Variants in FBXO11 observed in about 807,000 individuals in gnomAD.
The protein encoded by FBXO11 is F-box only protein 11.
Under a neutral mutation model 117.0 loss-of-function variants are expected in FBXO11, and 13 were observed. The observed-to-expected ratio is 0.11, with a 90% confidence interval of 0.07 to 0.18. The LOEUF is 0.18. Among genes scored for constraint, FBXO11 ranks in the 10% least tolerant of loss-of-function variants. FBXO11 has a pLI of 1.00. For synonymous variants in FBXO11, 490 were observed against 380.5 expected (o/e 1.29, Z -3.35); for missense variants, 767 against 1,164.4 (o/e 0.66, Z 4.97).
intron 16 of FBXO11, among the ~76,000 whole-genome samples, chr2:47,817,904 T>C (rs1003505895): frequency 5.9e-5 from 9 of 152,154 alleles, no homozygotes; most frequent in African/African-American, 2.2e-4. Context: ...TCCCAGCACT[T>C]TGGGAGGCTG....
intron 12 of FBXO11, among the ~76,000 whole-genome samples, chr2:47,822,699 G>A (rs989491389): frequency 6.6e-6 from 1 of 152,150 alleles, no homozygotes; most frequent in African/African-American, 2.4e-5. Flanking sequence ...CTTATTAAGG[G>A]AAAATGACAG....
intron 11 of FBXO11, among the ~76,000 whole-genome samples, chr2:47,827,148 T>C (rs1572793808): frequency 6.6e-6 from 1 of 152,222 alleles, no homozygotes; most frequent in East Asian, 1.9e-4. Flanking sequence ...AGTTTTCTTT[T>C]CTCAACGACC....
In FBXO11 at chr2:47,892,656, G is replaced by A. The variant is rs560234214; in HGVS notation, c.232+12833C>T. On this transcript the variant is annotated intron_variant, in intron 1 of 22. Coordinates refer to ENST00000403359, the MANE Select transcript of FBXO11 (RefSeq NM_001190274.2). ...AAACATGCTTATGAGGAAACAAAAT[G>A]TTGTTTTATCTCTGCAATTGAGGTG... is the stretch of plus-strand genomic sequence containing the variant. Among the ~76,000 whole-genome samples the A allele has an allele frequency of 3.3e-5, 5 of 152,284 alleles. No homozygotes were observed. The South Asian group carries it at 1.0e-3, about 32-fold the overall frequency.
intron 21 of FBXO11, 164 bp downstream of exon 21, chr2:47,808,994 C>T (rs2104619532): frequency 9.6e-6 from 5 of 521,876 alleles, no homozygotes; most frequent in South Asian, 7.7e-5. Flanking sequence ...ACCACGCCTA[C>T]CCACAGTTAC....
At chr2:47,832,928 AT>A in intron 8 of FBXO11, 35 bp downstream of exon 8, 1 of 1,605,224 alleles carries the variant, frequency 6.2e-7, no homozygotes, top group Non-Finnish European at 8.5e-7. Context: ...TGCCTTTATG[AT>A]TTCAATGTGT....
chr2:47,867,180 G>A (rs1448096755), intron 1 of FBXO11, among the ~76,000 whole-genome samples: 1 of 152,120 alleles, frequency 6.6e-6, no homozygotes, highest in Non-Finnish European at 1.5e-5. Flanking sequence ...GCTAGTTTAA[G>A]CTGCAGTAAC....
intron 1 of FBXO11, among the ~76,000 whole-genome samples, chr2:47,857,284 A>T (rs1558447276): frequency 2.0e-5 from 3 of 148,502 alleles, no homozygotes; most frequent in African/African-American, 4.9e-5. Flanking sequence ...GCAAGAAGGT[A>T]TTTTTTTTTT....
chr2:47,867,376 TG>T (rs753423465), intron 1 of FBXO11, among the ~76,000 whole-genome samples: 2 of 152,234 alleles, frequency 1.3e-5, no homozygotes, highest in Non-Finnish European at 2.9e-5. Flanking sequence ...AAGAGAGTTC[TG>T]GAAGTTCTCA....
chr2:47,821,577 T>TC (rs1293945422), intron 13 of FBXO11, among the ~76,000 whole-genome samples: 1 of 147,100 alleles, frequency 6.8e-6, no homozygotes, highest in Non-Finnish European at 1.5e-5. Flanking sequence ...GCCACTGCAC[T>TC]CCAGCCTGGG....
intron 13 of FBXO11, 78 bp downstream of exon 13, chr2:47,822,140 C>CAAA (rs1257500821): frequency 9.8e-7 from 1 of 1,015,638 alleles, no homozygotes. Flanking sequence ...TGGGTAGTTT[C>CAAA]AAAATGTTCC....
At chr2:47,810,915 T>C (rs1670566550) in intron 18 of FBXO11, 1 of 152,468 alleles carries the variant, frequency 6.6e-6, no homozygotes, top group Admixed American at 6.5e-5. Flanking sequence ...ACTCTTATCA[T>C]GCCTCTTTCT....
chr2:47,817,952 A>T (rs1196405280), intron 16 of FBXO11, among the ~76,000 whole-genome samples: 1 of 152,210 alleles, frequency 6.6e-6, no homozygotes, highest in Non-Finnish European at 1.5e-5. Context: ...GTTTGAGACC[A>T]GCCTGACCAA....
intron 1 of FBXO11, among the ~76,000 whole-genome samples, chr2:47,901,114 T>C (rs1361796384): frequency 9.1e-6 from 1 of 109,336 alleles, no homozygotes; most frequent in African/African-American, 3.3e-5. Context: ...TGTATATATG[T>C]ACACACGTGT....
At chr2:47,818,146 T>G (rs1558409033) in intron 16 of FBXO11, among the ~76,000 whole-genome samples, 1 of 151,892 alleles carries the variant, frequency 6.6e-6, no homozygotes, top group Non-Finnish European at 1.5e-5. Context: ...TGATCAGAGA[T>G]CACCATAACA....
chr2:47,903,536 G>C (rs1667234774), intron 1 of FBXO11, among the ~76,000 whole-genome samples: 1 of 152,092 alleles, frequency 6.6e-6, no homozygotes, highest in South Asian at 2.1e-4. Flanking sequence ...TAATAATTTT[G>C]AACAAATGAA....
intron 11 of FBXO11, among the ~76,000 whole-genome samples, chr2:47,825,824 G>A (rs760225472): frequency 6.6e-6 from 1 of 151,850 alleles, no homozygotes; most frequent in Non-Finnish European, 1.5e-5. Flanking sequence ...CAATCCTCCC[G>A]CCTTGGCCTC....
intron 1 of FBXO11, among the ~76,000 whole-genome samples, chr2:47,847,814 CTG>C (rs1417385643): frequency 1.3e-5 from 2 of 151,894 alleles, no homozygotes; most frequent in East Asian, 1.9e-4. Context: ...GTTAGACAGA[CTG>C]TGTGTGTATA....
At chr2:47,905,437 C>A (rs1395280690) in intron 1 of FBXO11, 52 bp downstream of exon 1, 98 of 1,194,608 alleles carry the variant, frequency 8.2e-5, no homozygotes, top group Non-Finnish European at 9.9e-5. Flanking sequence ...CCCCGGCCTC[C>A]CTTCCCGCGG....
chr2:47,905,596 TGGGGCGGCTGCTGCTGGGGCGGCTGCG>T lies in FBXO11; in HGVS notation c.98_124del (p.Pro33_Pro41del). On this transcript the variant is annotated inframe_deletion, in exon 1 of 23. Transcript: ENST00000403359. ...CTGCGGCGGCGGCGGAGGCTGCTGC[TGGGGCGGCTGCTGCTGGGGCGGCTGCG>T]GCGGCGGCTGCTGCGGGGGCTGCTG... The T allele has an allele frequency of 7.7e-7, 1 of 1,294,292 alleles. No individual in the cohort carries two copies. Among genetic ancestry groups the T allele is most frequent in the Admixed American group, 3.8e-5 (1 of 26,584 alleles). 80.2% of individuals were successfully genotyped at this position (1,294,292 alleles called of 1,614,324 possible). A position where few individuals can be genotyped will look rare whatever the true frequency, so the allele number is the denominator to read the frequency against.
Sources: gnomAD v4.1 joint callset for allele counts (sites outside exome capture counted in the v4.1 genomes callset) on GRCh38, gnomAD v4.1.1 for gene constraint, MANE v1.5 for transcripts, NCBI Gene and HGNC (gene_info 2026-07-23, HGNC 2026-07-21) for gene names.